SCHIP1: variants seen among roughly 807,000 people sequenced by gnomAD.
SCHIP1 encodes schwannomin interacting protein 1, also known as schwannomin-interacting protein 1.
A neutral mutation model predicts 29.7 loss-of-function variants in SCHIP1; 8 were observed. That is an observed-to-expected ratio of 0.27 (90% CI 0.16 to 0.49). SCHIP1 has a LOEUF of 0.49. SCHIP1 is among the 20% of genes least tolerant of loss of function. The probability of loss-of-function intolerance (pLI) is 0.99; values close to 1 mark genes in which losing one functional copy is unlikely to be tolerated. For synonymous variants in SCHIP1, 76 were observed against 94.9 expected (o/e 0.80, Z 1.16); for missense variants, 193 against 294.6 (o/e 0.66, Z 2.52).
At chr3:159,299,051 A>G in the SCHIP1 span, among the ~76,000 whole-genome samples, 1 of 149,526 alleles carries the variant, frequency 6.7e-6, no homozygotes, top group African/African-American at 2.4e-5. Flanking sequence ...TTACCTTCTC[A>G]TAATACAAAT....
At chr3:159,292,168 T>C in the SCHIP1 span, among the ~76,000 whole-genome samples, 2 of 151,966 alleles carry the variant, frequency 1.3e-5, no homozygotes, top group Admixed American at 1.3e-4. Context: ...GGCACTTATT[T>C]TAAAAATAGT....
chr3:159,490,309 T>C, the SCHIP1 span, among the ~76,000 whole-genome samples: 1 of 152,226 alleles, frequency 6.6e-6, no homozygotes, highest in Admixed American at 6.5e-5. Context: ...CACACTGCTA[T>C]GGAATGTTAA....
chr3:159,765,127 A>G, the SCHIP1 span: 1 of 1,564,884 alleles, frequency 6.4e-7, no homozygotes, highest in Non-Finnish European at 8.6e-7. Flanking sequence ...GGCGAGGACC[A>G]ACTCCACCTC....
the SCHIP1 span, among the ~76,000 whole-genome samples, chr3:159,305,556 T>C: frequency 2.6e-5 from 4 of 152,228 alleles, no homozygotes; most frequent in Non-Finnish European, 5.9e-5. Flanking sequence ...TCTGAGACCA[T>C]GTCCCATCAA....
chr3:159,380,065 T>C, the SCHIP1 span, among the ~76,000 whole-genome samples: 1 of 152,292 alleles, frequency 6.6e-6, no homozygotes, highest in Middle Eastern at 3.4e-3. Flanking sequence ...TTAGAGAAAA[T>C]ACAGCAGAAA....
At chr3:159,462,074 G>A in the SCHIP1 span, among the ~76,000 whole-genome samples, 8 of 151,988 alleles carry the variant, frequency 5.3e-5, no homozygotes, top group Non-Finnish European at 1.0e-4. Context: ...TTTGGGCATA[G>A]TGGTGCGCAC....
At chr3:159,852,181 GC>G (rs1302215808) in intron 1 of SCHIP1, among the ~76,000 whole-genome samples, 1 of 152,192 alleles carries the variant, frequency 6.6e-6, no homozygotes, top group African/African-American at 2.4e-5. Context: ...ATCTTGAATA[GC>G]CTTTTTGCTT....
chr3:159,396,913 T>C, the SCHIP1 span, among the ~76,000 whole-genome samples: 1 of 149,010 alleles, frequency 6.7e-6, no homozygotes, highest in African/African-American at 2.4e-5. Flanking sequence ...TCCTGCAGAG[T>C]GTTTTTCAAC....
intron 6 of SCHIP1, chr3:159,894,402 T>C (rs888711587): frequency 7.9e-5 from 12 of 152,240 alleles, no homozygotes; most frequent in African/African-American, 2.9e-4. Context: ...GTCAGGGTCA[T>C]TCCATGCTGG....
the SCHIP1 span, among the ~76,000 whole-genome samples, chr3:159,404,819 C>G: frequency 1.3e-5 from 2 of 152,176 alleles, no homozygotes; most frequent in African/African-American, 4.8e-5. Flanking sequence ...GTGGTTACTG[C>G]AGGTCTTGGG....
the SCHIP1 span, among the ~76,000 whole-genome samples, chr3:159,478,517 T>C: frequency 2.0e-5 from 3 of 152,158 alleles, no homozygotes; most frequent in Non-Finnish European, 4.4e-5. Flanking sequence ...GGAAGTACAA[T>C]GACTCCAGGT....
At chr3:159,572,661 C>A in the SCHIP1 span, among the ~76,000 whole-genome samples, 1 of 152,292 alleles carries the variant, frequency 6.6e-6, no homozygotes, top group East Asian at 1.9e-4. Flanking sequence ...AGTTCAATTC[C>A]TGGATATCCG....
chr3:159,394,461 T>C, the SCHIP1 span, among the ~76,000 whole-genome samples: 1 of 152,186 alleles, frequency 6.6e-6, no homozygotes, highest in Admixed American at 6.5e-5. Flanking sequence ...TTGTCATAGA[T>C]AGCTCTTATT....
chr3:159,341,773 C>A, the SCHIP1 span, among the ~76,000 whole-genome samples: 2 of 152,090 alleles, frequency 1.3e-5, no homozygotes, highest in Non-Finnish European at 2.9e-5. Flanking sequence ...TTGCTACTTT[C>A]TGTATCTAAA....
chr3:159,457,723 G>A, the SCHIP1 span, among the ~76,000 whole-genome samples: 1 of 152,032 alleles, frequency 6.6e-6, no homozygotes, highest in Admixed American at 6.6e-5. Context: ...GCTGTGAATA[G>A]TACTGAACCC....
At chr3:159,494,563 G>C in the SCHIP1 span, among the ~76,000 whole-genome samples, 4 of 152,150 alleles carry the variant, frequency 2.6e-5, no homozygotes, top group Admixed American at 6.5e-5. Flanking sequence ...GGAAGAATTT[G>C]AATCTCTGAT....
chr3:159,536,886 T>C, the SCHIP1 span, among the ~76,000 whole-genome samples: 1 of 152,224 alleles, frequency 6.6e-6, no homozygotes, highest in Non-Finnish European at 1.5e-5. Flanking sequence ...CACTACATTT[T>C]ACTATCATCT....
At chr3:159,827,303 A>G in the SCHIP1 span, among the ~76,000 whole-genome samples, 9 of 152,330 alleles carry the variant, frequency 5.9e-5, no homozygotes, top group African/African-American at 2.2e-4. Context: ...TTTCATTATA[A>G]CTAATAGCAA....
At chr3:159,635,609 A>C in the SCHIP1 span, among the ~76,000 whole-genome samples, 10 of 152,156 alleles carry the variant, frequency 6.6e-5, no homozygotes, top group Non-Finnish European at 5.9e-5. Flanking sequence ...TGAGTATATG[A>C]ATGAGAAAAT....
Sources: allele counts gnomAD v4.1 joint callset (sites outside exome capture counted in the v4.1 genomes callset), GRCh38; gene constraint gnomAD v4.1.1; transcripts MANE v1.5; gene names NCBI Gene and HGNC (gene_info 2026-07-23, HGNC 2026-07-21).